LRP1B: variants seen among roughly 807,000 people sequenced by gnomAD.
LRP1B encodes the protein LDL receptor related protein 1B.
A neutral mutation model predicts 556.6 loss-of-function variants in LRP1B; 217 were observed. The ratio of observed to expected loss-of-function variants is 0.39; its 90% CI spans 0.35 to 0.44. LRP1B has a LOEUF of 0.44. LRP1B is among the 20% of genes least tolerant of loss of function. LRP1B has a pLI of 1.00. For synonymous variants in LRP1B, 2,047 were observed against 1,865.8 expected, an observed-to-expected ratio of 1.10 and a Z score of -2.50; for missense variants, 5,053 against 5,620.8, an observed-to-expected ratio of 0.90 and a Z score of 3.23.
rs1429342 is a variant in LRP1B at position 140,925,558 on chromosome 2, A to G, written c.3137-2411T>C. Among the ~76,000 whole-genome samples the G allele has an allele frequency of 7.5e-3, 1,137 of 152,264 alleles. 7 individuals are homozygous for G. Among genetic ancestry groups the G allele is most frequent in the Non-Finnish European group, 0.013 (905 of 68,012 alleles). Reference sequence around the variant, plus strand: ...TGAGCTCAACCAATAACATTTAAAAATCGTATTTCAGGTAATTGTCAGAGA... The same window carrying G: ...TGAGCTCAACCAATAACATTTAAAAGTCGTATTTCAGGTAATTGTCAGAGA... On this transcript the variant is annotated intron_variant, in intron 20 of 90. Coordinates refer to ENST00000389484, the MANE Select transcript of LRP1B (RefSeq NM_018557.3).
intron 1 of LRP1B, among the ~76,000 whole-genome samples, chr2:142,014,123 C>A (rs1413958767): frequency 6.8e-6 from 1 of 147,136 alleles, no homozygotes; most frequent in Non-Finnish European, 1.5e-5. Context: ...CCTCCTCTTA[C>A]TTTCAGGAAT....
Position 140,854,341 on chromosome 2 carries a change from A to G in LRP1B, c.4580-2558T>C, listed in dbSNP as rs1692552151. ...AGAGATATTAAGTTTCTATGTACATACTAAAATTAAAAATTGCATTGACTT... is the reference window on the plus strand; with the variant it reads ...AGAGATATTAAGTTTCTATGTACATGCTAAAATTAAAAATTGCATTGACTT... On this transcript the variant is annotated intron_variant, in intron 27 of 90. Transcript: ENST00000389484. 2.0e-5 allele frequency among the ~76,000 whole-genome samples: 3 copies of G among 152,156 alleles called. No individual in the cohort carries two copies. In the South Asian group the frequency reaches 6.2e-4, roughly 32 times the overall value.
In LRP1B at chr2:140,310,835, C is replaced by T. The variant is rs189062501; in HGVS notation, c.12805+4100G>A. Reference sequence around the variant, plus strand: ...AGGAAAAACTTTCCAGGACACTGGCCTAGGCAAAAAATTTATAACTAAAAC... The same window carrying T: ...AGGAAAAACTTTCCAGGACACTGGCTTAGGCAAAAAATTTATAACTAAAAC... On this transcript the variant is annotated intron_variant, in intron 83 of 90. Transcript: ENST00000389484. 3.0e-3 allele frequency among the ~76,000 whole-genome samples: 460 copies of T among 151,722 alleles called. 1 individual carries two copies. The highest frequency in any genetic ancestry group is 0.011 in the African/African-American group (451 of 41,480).
At chr2:141,760,210 G>A (rs529800717) in intron 2 of LRP1B, among the ~76,000 whole-genome samples, 226 of 152,230 alleles carry the variant, frequency 1.5e-3, no homozygotes, top group African/African-American at 5.2e-3. Context: ...AAACTGGAAA[G>A]AAACCCAGTC....
chr2:141,109,651 G>C (rs935930230), intron 7 of LRP1B, among the ~76,000 whole-genome samples: 1 of 132,522 alleles, frequency 7.5e-6, no homozygotes, highest in African/African-American at 2.7e-5. Context: ...GGAGGAGAAA[G>C]GGACTACAAC....
rs1362334982 is a variant in LRP1B, at chr2:140,328,005, A to AG, written c.12224-2128_12224-2127insC. ...TAGTCTTCTAAATTAAAAAGTTAAT[A>AG]AAGGAATCAACTAACTTTTCCTGTT... is the stretch of plus-strand genomic sequence containing the variant. On this transcript the variant is annotated intron_variant, in intron 79 of 90. Coordinates refer to ENST00000389484, the MANE Select transcript of LRP1B (RefSeq NM_018557.3). Among the ~76,000 whole-genome samples, 5 of 152,158 alleles carry AG rather than the reference A, an allele frequency of 3.3e-5. No individual in the cohort carries two copies. In the East Asian group the frequency reaches 7.7e-4, roughly 24 times the overall value.
At chr2:141,215,285 G>T (rs1682752063) in intron 6 of LRP1B, among the ~76,000 whole-genome samples, 1 of 152,186 alleles carries the variant, frequency 6.6e-6, no homozygotes, top group South Asian at 2.1e-4. Flanking sequence ...CTCGCATTAT[G>T]CTTCCTGTAC....
chr2:141,876,962 T>C (rs1299630528), intron 1 of LRP1B, among the ~76,000 whole-genome samples: 2 of 151,970 alleles, frequency 1.3e-5, no homozygotes, highest in Non-Finnish European at 2.9e-5. Context: ...TATTTAAACT[T>C]TTCTTTTTGC....
intron 3 of LRP1B, among the ~76,000 whole-genome samples, chr2:141,383,161 C>T (rs545184881): frequency 6.6e-6 from 1 of 152,100 alleles, no homozygotes; most frequent in South Asian, 2.1e-4. Context: ...GAATCAAAAC[C>T]ACAATGAGAC....
At chr2:141,799,076 G>A (rs1479159760) in intron 2 of LRP1B, among the ~76,000 whole-genome samples, 6 of 151,940 alleles carry the variant, frequency 3.9e-5, no homozygotes, top group South Asian at 2.1e-4. Flanking sequence ...CCAGAACTAC[G>A]AGGATATAAA....
intron 54 of LRP1B, 48 bp downstream of exon 54, chr2:140,502,915 C>A (rs938589962): frequency 2.0e-5 from 32 of 1,584,892 alleles, no homozygotes; most frequent in Non-Finnish European, 2.6e-5. Context: ...ACAATTTTTC[C>A]ATTGAAAACA....
At chr2:140,364,561 A>C in intron 72 of LRP1B, 100 bp downstream of exon 72, 1 of 1,376,422 alleles carries the variant, frequency 7.3e-7, no homozygotes, top group Non-Finnish European at 1.0e-6. Flanking sequence ...TAACCCCAGG[A>C]TGGTATAATT....
Position 140,850,128 on chromosome 2 carries a change from G to T in LRP1B, c.4913C>A (p.Thr1638Asn). The T allele has an allele frequency of 6.2e-7, 1 of 1,611,662 alleles. No homozygotes were observed. Among genetic ancestry groups the T allele is most frequent in the Non-Finnish European group, 8.5e-7 (1 of 1,178,082 alleles). ...QTIKRAFINGTGLETVISRDI... is the reference protein window; with the variant it reads ...QTIKRAFINGNGLETVISRDI... ...TCTTGAAATAACAGTTTCTAACCCA[G>T]TTCCGTTAATAAAAGCTCGTTTAAT... The change falls in exon 29 of 91, where the codon ACT becomes AAT. Residue 1638 changes from threonine to asparagine, a missense_variant. By Grantham distance (65) the Thr-to-Asn change is moderately conservative (BLOSUM62 0). Transcript: ENST00000389484.
rs1694632958 is a variant in LRP1B at position 141,763,562 on chromosome 2, T to C, written c.205+46717A>G. ...TAGCCTTAATGACGGTCAGTGATGG[T>C]AAGTTTTTTGTTAATGTTTTGTTTG... On this transcript the variant is annotated intron_variant, in intron 2 of 90. Transcript: ENST00000389484. Among the ~76,000 whole-genome samples, 2 of 152,160 alleles carry C rather than the reference T, an allele frequency of 1.3e-5. 1 individual carries two copies. The highest frequency in any genetic ancestry group is 4.1e-4 in the South Asian group (2 of 4,834).
chr2:140,385,380 G>A (rs1263833736), intron 67 of LRP1B, among the ~76,000 whole-genome samples: 6 of 152,160 alleles, frequency 3.9e-5, no homozygotes, highest in East Asian at 1.9e-4. Context: ...ATAAAATGGA[G>A]AAGACAGATG....
Position 141,078,395 on chromosome 2 carries a change from C to T in LRP1B, c.1014-16122G>A, listed in dbSNP as rs1404169317. Among the ~76,000 whole-genome samples the T allele has an allele frequency of 2.6e-5, 4 of 152,180 alleles. No individual in the cohort carries two copies. The East Asian group carries it at 7.7e-4, about 29-fold the overall frequency. ...CGTTGACATGGCAGAACCTTCCACC[C>T]CTGCCTCCTTCTCCTAGCTAATTAG... On this transcript the variant is annotated intron_variant, in intron 7 of 90. Transcript: ENST00000389484.
At chr2:141,753,965 C>A (rs1446130234) in intron 2 of LRP1B, among the ~76,000 whole-genome samples, 1 of 151,980 alleles carries the variant, frequency 6.6e-6, no homozygotes, top group Non-Finnish European at 1.5e-5. Context: ...CTGATATTTG[C>A]CAAATGGAAG....
At chr2:141,921,597 A>AT (rs1700185994) in intron 1 of LRP1B, among the ~76,000 whole-genome samples, 1 of 151,998 alleles carries the variant, frequency 6.6e-6, no homozygotes, top group South Asian at 2.1e-4. Context: ...GCAATGAATT[A>AT]TTTTTATAAA....
intron 58 of LRP1B, among the ~76,000 whole-genome samples, chr2:140,486,434 T>C (rs1688476067): frequency 6.6e-6 from 1 of 151,946 alleles, no homozygotes; most frequent in Admixed American, 6.6e-5. Context: ...AAAATTGGCA[T>C]GGCTATTTAA....
Sources: allele counts gnomAD v4.1 joint callset (sites outside exome capture counted in the v4.1 genomes callset), GRCh38; gene constraint gnomAD v4.1.1; transcripts MANE v1.5; gene names NCBI Gene and HGNC (gene_info 2026-07-23, HGNC 2026-07-21).